Variants in TET3 observed in about 807,000 individuals in gnomAD.
TET3 encodes tet methylcytosine dioxygenase 3, also known as methylcytosine dioxygenase TET3.
TET3 carries 19 observed loss-of-function variants against 141.4 expected under a neutral mutation model. The ratio of observed to expected loss-of-function variants is 0.13; its 90% confidence interval spans 0.09 to 0.20. TET3 has a LOEUF of 0.20. TET3 is among the 10% of genes least tolerant of loss of function. The pLI is 1.00. For synonymous variants in TET3, 1,043 were observed against 980.9 expected (o/e 1.06, Z -1.18); for missense variants, 1,874 against 2,356.9 (o/e 0.80, Z 4.24).
At chr2:74,012,473 T>A (rs983098551) in intron 3 of TET3, among the ~76,000 whole-genome samples, 2 of 152,210 alleles carry the variant, frequency 1.3e-5, no homozygotes, top group African/African-American at 4.8e-5. Flanking sequence ...TCTCTCTTAG[T>A]TTTCAGGACA....
Position 74,004,829 on chromosome 2 carries a change from C to T in TET3, c.360+1663C>T, listed in dbSNP as rs146184380. ...ACCTCTGCTTCCTCCCCTCGCCTCC[C>T]GCTGCTGGCTGGAGGAGTTGTAATC... On this transcript the variant is annotated intron_variant, in intron 3 of 11. Transcript: ENST00000409262. Among the ~76,000 whole-genome samples, 916 of 152,308 alleles carry T rather than the reference C, an allele frequency of 6.0e-3. 7 individuals carry two copies. Among genetic ancestry groups the T allele is most frequent in the African/African-American group, 0.021 (868 of 41,566 alleles).
At chr2:74,036,063 A>T (rs1687040979) in intron 3 of TET3, among the ~76,000 whole-genome samples, 1 of 152,210 alleles carries the variant, frequency 6.6e-6, no homozygotes, top group African/African-American at 2.4e-5. Context: ...TATTAAACTA[A>T]AATACCCTCT....
At chr2:73,985,507 C>T (rs1208144399) in intron 1 of TET3, among the ~76,000 whole-genome samples, 3 of 145,202 alleles carry the variant, frequency 2.1e-5, no homozygotes, top group Non-Finnish European at 4.6e-5. Context: ...TGGCGGGCTG[C>T]GCTCCGGCGG....
intron 3 of TET3, among the ~76,000 whole-genome samples, chr2:74,030,489 T>C (rs967510584): frequency 3.9e-5 from 6 of 152,262 alleles, no homozygotes; most frequent in Admixed American, 6.5e-5. Flanking sequence ...AAAGATTTTT[T>C]TTAATGCAAA....
intron 3 of TET3, among the ~76,000 whole-genome samples, chr2:74,004,294 T>C (rs981264592): frequency 6.6e-6 from 1 of 152,174 alleles, no homozygotes. Context: ...TGTCCCCAGA[T>C]ACCCTTAGTT....
At chr2:74,124,473 G>A in the TET3 span, among the ~76,000 whole-genome samples, 2 of 152,250 alleles carry the variant, frequency 1.3e-5, no homozygotes, top group Non-Finnish European at 2.9e-5. Context: ...CGATGACGAT[G>A]GCGGTTTTGT....
At chr2:74,112,183 C>T (rs828895), downstream of TET3, among the ~76,000 whole-genome samples, 149,666 of 152,228 alleles carry the variant, frequency 0.98, 73,579 homozygotes, top group East Asian at 1. Flanking sequence ...TTTAACTTTG[C>T]CGCAGGGCCC....
chr2:74,001,056 G>A (rs1684825753), intron 2 of TET3, among the ~76,000 whole-genome samples: 1 of 152,110 alleles, frequency 6.6e-6, no homozygotes, highest in South Asian at 2.1e-4. Flanking sequence ...AAGTTGAGGG[G>A]CACAGAAACC....
chr2:74,053,032 AT>A (rs1221942073), intron 4 of TET3, among the ~76,000 whole-genome samples: 4 of 152,124 alleles, frequency 2.6e-5, no homozygotes, highest in African/African-American at 7.2e-5. Context: ...ACTCATATGG[AT>A]TTTTTTATCT....
chr2:73,991,826 A>G (rs1357653503), intron 2 of TET3, among the ~76,000 whole-genome samples: 1 of 151,464 alleles, frequency 6.6e-6, no homozygotes, highest in African/African-American at 2.4e-5. Flanking sequence ...AAAAAAAAAA[A>G]AAGAAGGAAA....
intron 3 of TET3, among the ~76,000 whole-genome samples, chr2:74,042,456 A>G (rs1176011732): frequency 1.3e-5 from 2 of 151,904 alleles, no homozygotes; most frequent in Non-Finnish European, 2.9e-5. Flanking sequence ...TGGATCTTCA[A>G]GAAAATCCAG....
intron 3 of TET3, among the ~76,000 whole-genome samples, chr2:74,020,894 G>A (rs1225616097): frequency 2.6e-5 from 4 of 152,206 alleles, no homozygotes; most frequent in Admixed American, 6.5e-5. Context: ...CTTGACCGCA[G>A]CAGTAAGCTG....
chr2:74,067,812 G>T (rs1042087660), intron 4 of TET3, among the ~76,000 whole-genome samples: 1 of 152,260 alleles, frequency 6.6e-6, no homozygotes, highest in Non-Finnish European at 1.5e-5. Context: ...ATACCGAGTG[G>T]TTGTGTGGCA....
chr2:73,992,803 G>A (rs749268749), intron 2 of TET3, among the ~76,000 whole-genome samples: 1 of 152,162 alleles, frequency 6.6e-6, no homozygotes, highest in Non-Finnish European at 1.5e-5. Flanking sequence ...CAGTTTTTGA[G>A]AGTTCTAGAA....
the TET3 span, chr2:74,120,823 G>A: frequency 1.3e-5 from 2 of 152,286 alleles, no homozygotes; most frequent in Non-Finnish European, 2.9e-5. Flanking sequence ...AAAAGGAACT[G>A]GAAGGAGAAA....
At chr2:74,073,360 G>A (rs971924716) in intron 4 of TET3, among the ~76,000 whole-genome samples, 189 bp from the exon 5 acceptor site, 1 of 152,122 alleles carries the variant, frequency 6.6e-6, no homozygotes, top group Admixed American at 6.5e-5. Context: ...ATGTGATGGT[G>A]TTTTATTGTG....
intron 5 of TET3, among the ~76,000 whole-genome samples, chr2:74,078,341 A>G (rs551753077): frequency 6.6e-6 from 1 of 152,356 alleles, no homozygotes; most frequent in Non-Finnish European, 1.5e-5. Flanking sequence ...AGATATTTGT[A>G]TATATACAGA....
At chr2:74,074,877 T>C (rs887764751) in intron 5 of TET3, among the ~76,000 whole-genome samples, 41 of 131,992 alleles carry the variant, frequency 3.1e-4, no homozygotes, top group African/African-American at 1.3e-3. Context: ...TTGTTTGTTT[T>C]GTTTGTTTTT....
intron 1 of TET3, among the ~76,000 whole-genome samples, chr2:73,985,710 G>A (rs12988832): frequency 1.3e-5 from 2 of 152,186 alleles, no homozygotes; most frequent in East Asian, 1.9e-4. Flanking sequence ...TCACCAGCCC[G>A]TGGGGGTGGG....
Sources: gnomAD v4.1 joint callset for allele counts (sites outside exome capture counted in the v4.1 genomes callset) on GRCh38, gnomAD v4.1.1 for gene constraint, MANE v1.5 for transcripts, NCBI Gene and HGNC (gene_info 2026-07-23, HGNC 2026-07-21) for gene names.